The following SAMD5 variants were observed in gnomAD, a reference collection of about 807,000 sequenced individuals.
The protein encoded by SAMD5 is sterile alpha motif domain-containing protein 5.
Under a neutral mutation model 11.3 loss-of-function variants are expected in SAMD5, and 13 were observed. That is an observed-to-expected ratio of 1.15 (90% CI 0.75 to 1.83). The LOEUF (loss-of-function observed/expected upper bound fraction) is 1.83, where lower values mean the gene tolerates loss of function less well. Ranked by LOEUF, SAMD5 falls within the 40% of genes most tolerant of loss-of-function variation. The pLI is 0.00. For synonymous variants in SAMD5, 129 were observed against 111.3 expected, an observed-to-expected ratio of 1.16 and a Z score of -1.00; for missense variants, 255 against 239.1, an observed-to-expected ratio of 1.07 and a Z score of -0.44.
intron 1 of SAMD5, among the ~76,000 whole-genome samples, chr6:147,539,862 T>TA (rs941046046): frequency 1.6e-4 from 25 of 151,762 alleles, no homozygotes; most frequent in East Asian, 1.5e-3. Context: ...TCATAGTGTT[T>TA]AAAAAAAAAT....
At chr6:147,654,245 T>A (rs1468850255) in intron 1 of SAMD5, among the ~76,000 whole-genome samples, 1 of 152,232 alleles carries the variant, frequency 6.6e-6, no homozygotes, top group Non-Finnish European at 1.5e-5. Context: ...TAGGTGGTGA[T>A]GTGAAAATTC....
At chr6:147,914,188 C>T in the SAMD5 span, among the ~76,000 whole-genome samples, 30 of 146,578 alleles carry the variant, frequency 2.0e-4, 1 homozygote, top group South Asian at 5.6e-3. Flanking sequence ...AGCTCATCAG[C>T]GATCGTTAGT....
rs59924294 is a variant in SAMD5 at position 147,531,155 on chromosome 6, GTTTT to G, written c.459+21781_459+21784del. Among the ~76,000 whole-genome samples the G allele has an allele frequency of 3.7e-3, 538 of 143,902 alleles. 8 individuals are homozygous for G. The highest frequency in any genetic ancestry group is 0.017 in the Admixed American group (240 of 14,534). The allele number at this position is 143,902 out of a possible 152,430, so 94.4% of individuals were successfully genotyped here. On this transcript the variant is annotated intron_variant, in intron 1 of 1. Coordinates refer to ENST00000367474, the MANE Select transcript of SAMD5 (RefSeq NM_001030060.3). ...GGATTTAAAAATGATAGTCTTAAAA[GTTTT>G]TTTTTTTTTTTTGTCAATTTTAGAG...
the SAMD5 span, among the ~76,000 whole-genome samples, chr6:147,895,604 G>A: frequency 3.2e-3 from 491 of 152,298 alleles, 1 homozygote; most frequent in African/African-American, 0.011. Context: ...ATCCTTGAAA[G>A]CCGAGCAAAT....
At chr6:147,879,629 C>T in the SAMD5 span, among the ~76,000 whole-genome samples, 2 of 152,044 alleles carry the variant, frequency 1.3e-5, no homozygotes, top group Non-Finnish European at 2.9e-5. Context: ...GAGATCTGAT[C>T]GAAATGCTAT....
At chr6:147,708,663 G>A (rs1002741228) in intron 1 of SAMD5, among the ~76,000 whole-genome samples, 1 of 152,196 alleles carries the variant, frequency 6.6e-6, no homozygotes. Context: ...GGAAATTCAG[G>A]TAAGTTTCTT....
At chr6:147,669,755 T>G (rs1790771816) in intron 1 of SAMD5, among the ~76,000 whole-genome samples, 1 of 152,126 alleles carries the variant, frequency 6.6e-6, no homozygotes, top group African/African-American at 2.4e-5. Flanking sequence ...ATTCTAGTTC[T>G]CTTGCTGTTT....
At chr6:147,733,816 G>A (rs1791753959) in intron 1 of SAMD5, 4 of 936,474 alleles carry the variant, frequency 4.3e-6, no homozygotes, top group African/African-American at 1.8e-5. Context: ...TTTAAGGTAA[G>A]CCGCTGAGAT....
At chr6:147,770,939 A>T in the SAMD5 span, among the ~76,000 whole-genome samples, 1 of 152,314 alleles carries the variant, frequency 6.6e-6, no homozygotes, top group South Asian at 2.1e-4. Flanking sequence ...GATGATAAAA[A>T]CCTGGACTAT....
At chr6:147,647,068 G>A (rs552487320) in intron 1 of SAMD5, among the ~76,000 whole-genome samples, 2 of 151,798 alleles carry the variant, frequency 1.3e-5, no homozygotes, top group South Asian at 4.2e-4. Context: ...TCAGGAGGCT[G>A]AGGCAGGAGA....
At chr6:147,880,078 G>A in the SAMD5 span, among the ~76,000 whole-genome samples, 1 of 152,136 alleles carries the variant, frequency 6.6e-6, no homozygotes, top group Admixed American at 6.6e-5. Context: ...TTTTCCATAT[G>A]TCATTTTATT....
At chr6:147,802,657 G>A in the SAMD5 span, among the ~76,000 whole-genome samples, 1 of 151,158 alleles carries the variant, frequency 6.6e-6, no homozygotes, top group African/African-American at 2.4e-5. Flanking sequence ...CAAGCCAAAT[G>A]TTCATCAGAG....
intron 1 of SAMD5, among the ~76,000 whole-genome samples, chr6:147,554,426 G>C (rs1160015544): frequency 6.6e-6 from 1 of 152,186 alleles, no homozygotes; most frequent in African/African-American, 2.4e-5. Context: ...TGAGGTCGTG[G>C]CCAGTGGAGG....
chr6:147,829,043 A>G, the SAMD5 span, among the ~76,000 whole-genome samples: 2 of 152,332 alleles, frequency 1.3e-5, no homozygotes, highest in African/African-American at 4.8e-5. Context: ...AATATAGTGA[A>G]CACACATTTG....
the SAMD5 span, among the ~76,000 whole-genome samples, chr6:147,795,220 C>G: frequency 2.5e-5 from 3 of 121,798 alleles, no homozygotes; most frequent in African/African-American, 9.4e-5. Flanking sequence ...CCCCCCTCCC[C>G]CCACCCCACA....
the SAMD5 span, among the ~76,000 whole-genome samples, chr6:147,774,895 A>G: frequency 2.6e-5 from 4 of 152,128 alleles, no homozygotes; most frequent in Admixed American, 2.6e-4. Flanking sequence ...ACACACACAC[A>G]TGATTAAAAA....
chr6:147,880,005 T>C, the SAMD5 span, among the ~76,000 whole-genome samples: 1 of 152,188 alleles, frequency 6.6e-6, no homozygotes, highest in Non-Finnish European at 1.5e-5. Flanking sequence ...AGCAAAATAA[T>C]GAAGCCAGAA....
At chr6:147,632,857 T>A (rs1053820384) in intron 1 of SAMD5, among the ~76,000 whole-genome samples, 1 of 152,234 alleles carries the variant, frequency 6.6e-6, no homozygotes, top group Admixed American at 6.5e-5. Context: ...AATTTCTACA[T>A]AAAAATTTGA....
the SAMD5 span, among the ~76,000 whole-genome samples, chr6:147,843,575 A>T: frequency 6.6e-6 from 1 of 152,200 alleles, no homozygotes; most frequent in Non-Finnish European, 1.5e-5. Flanking sequence ...GGGTCATCAC[A>T]CCATGGGATT....
Sources: allele counts gnomAD v4.1 joint callset (sites outside exome capture counted in the v4.1 genomes callset), GRCh38; gene constraint gnomAD v4.1.1; transcripts MANE v1.5; gene names NCBI Gene and HGNC (gene_info 2026-07-23, HGNC 2026-07-21).